The following SBF2 variants were observed in gnomAD, a reference collection of about 807,000 sequenced individuals.
The protein encoded by SBF2 is myotubularin-related protein 13.
SBF2 carries 112 observed loss-of-function variants against 225.2 expected under a neutral mutation model. The observed-to-expected ratio is 0.50, with a 90% CI of 0.43 to 0.58. The LOEUF (loss-of-function observed/expected upper bound fraction) is 0.58, where lower values mean the gene tolerates loss of function less well. SBF2 is among the 20% of genes least tolerant of loss of function. SBF2 has a pLI of 0.00. For synonymous variants in SBF2, 763 were observed against 773.3 expected (o/e 0.99, Z 0.22); for missense variants, 1,996 against 2,206.2 (o/e 0.90, Z 1.91).
chr11:9,821,057 A>G (rs1425820806), intron 28 of SBF2, among the ~76,000 whole-genome samples: 1 of 152,124 alleles, frequency 6.6e-6, no homozygotes, highest in African/African-American at 2.4e-5. Flanking sequence ...CCTCAAAATC[A>G]TTGTTGGAGA....
chr11:10,272,314 G>T, intron 1 of SBF2: 1 of 858,640 alleles, frequency 1.2e-6, no homozygotes, highest in South Asian at 1.8e-5. Flanking sequence ...TTAGGAGAAT[G>T]ACAAGTCGTT....
At chr11:10,065,451 A>C (rs1423192861) in intron 2 of SBF2, among the ~76,000 whole-genome samples, 3 of 152,136 alleles carry the variant, frequency 2.0e-5, no homozygotes, top group Non-Finnish European at 2.9e-5. Flanking sequence ...CAGTAATAAA[A>C]AATCAACTAA....
chr11:9,989,055 T>TATATATATATATAC lies in SBF2; in HGVS notation c.1395+441_1395+442insGTATATATATATAT, dbSNP rs963608316. On this transcript the variant is annotated intron_variant, in intron 13 of 39. Transcript: ENST00000256190. ...ACTGTGCCAAATATATATATATATA[T>TATATATATATATAC]ACATATGCATACATACACATACACA... Among the ~76,000 whole-genome samples, 34 of 142,622 alleles carry TATATATATATATAC rather than the reference T, an allele frequency of 2.4e-4. 3 individuals carry two copies. The highest frequency in any genetic ancestry group is 4.5e-4 in the Non-Finnish European group (28 of 62,624). The allele number at this position is 142,622 out of a possible 152,430, so 93.6% of individuals were successfully genotyped here.
At chr11:9,896,056 A>T (rs1861228097) in intron 16 of SBF2, 45 bp from the exon 17 acceptor site, 4 of 1,431,754 alleles carry the variant, frequency 2.8e-6, no homozygotes, top group Non-Finnish European at 3.9e-6. Flanking sequence ...TATTTACCAG[A>T]AATCACAAAT....
chr11:10,175,198 T>C (rs1377500491), intron 2 of SBF2, among the ~76,000 whole-genome samples: 1 of 151,212 alleles, frequency 6.6e-6, no homozygotes, highest in African/African-American at 2.4e-5. Context: ...AATGCTCCAA[T>C]TAAAAGACAC....
chr11:9,937,567 A>G (rs1386367923), intron 16 of SBF2, among the ~76,000 whole-genome samples: 2 of 152,208 alleles, frequency 1.3e-5, no homozygotes. Flanking sequence ...TAAGACAGTG[A>G]TAATTTTTAT....
intron 25 of SBF2, 76 bp downstream of exon 25, chr11:9,842,549 G>A (rs927351105): frequency 1.0e-5 from 15 of 1,444,792 alleles, no homozygotes; most frequent in Non-Finnish European, 1.5e-5. Flanking sequence ...CAAGATGTAA[G>A]TGCAACTACA....
intron 2 of SBF2, among the ~76,000 whole-genome samples, chr11:10,162,058 G>T (rs752449933): frequency 6.6e-6 from 1 of 152,088 alleles, no homozygotes; most frequent in Non-Finnish European, 1.5e-5. Context: ...TCTTCCTTCT[G>T]TGTAGGACGA....
At chr11:9,987,773 G>T (rs1947261972) in intron 13 of SBF2, among the ~76,000 whole-genome samples, 1 of 151,906 alleles carries the variant, frequency 6.6e-6, no homozygotes, top group Admixed American at 6.6e-5. Flanking sequence ...CACAGACAAT[G>T]CAAACAAATG....
At chr11:10,005,801 TAC>T (rs1948164120) in intron 6 of SBF2, among the ~76,000 whole-genome samples, 1 of 152,288 alleles carries the variant, frequency 6.6e-6, no homozygotes, top group East Asian at 1.9e-4. Context: ...TTAACCCCTG[TAC>T]ACAGTTTCGT....
chr11:10,174,941 C>T (rs1046974581), intron 2 of SBF2, among the ~76,000 whole-genome samples: 13 of 151,422 alleles, frequency 8.6e-5, no homozygotes, highest in Middle Eastern at 6.8e-3. Context: ...AAATAAAATA[C>T]TTTACAGACA....
At chr11:10,178,807 C>T (rs1260839972) in intron 2 of SBF2, among the ~76,000 whole-genome samples, 2 of 148,294 alleles carry the variant, frequency 1.3e-5, no homozygotes, top group Admixed American at 6.8e-5. Flanking sequence ...GGATCTAGAA[C>T]TAGAAATACC....
chr11:10,146,804 A>T (rs1591065152), intron 2 of SBF2, among the ~76,000 whole-genome samples: 1 of 152,160 alleles, frequency 6.6e-6, no homozygotes, highest in East Asian at 1.9e-4. Context: ...ATGGGAGAAA[A>T]TTTTTGCAAG....
At chr11:10,257,160 T>A (rs55650476) in intron 1 of SBF2, among the ~76,000 whole-genome samples, 2 of 152,312 alleles carry the variant, frequency 1.3e-5, no homozygotes, top group Admixed American at 1.3e-4. Flanking sequence ...ATTCAAACTC[T>A]ATCTCTGTGA....
intron 2 of SBF2, among the ~76,000 whole-genome samples, chr11:10,180,316 G>A (rs1268707610): frequency 6.6e-6 from 1 of 151,958 alleles, no homozygotes; most frequent in African/African-American, 2.4e-5. Context: ...TTTCTCCCAC[G>A]TGTTTGAAGA....
At chr11:10,282,212 T>C (rs756542703) in intron 1 of SBF2, among the ~76,000 whole-genome samples, 1 of 152,216 alleles carries the variant, frequency 6.6e-6, no homozygotes, top group Non-Finnish European at 1.5e-5. Context: ...CATGATACCA[T>C]ATCATGCTAT....
intron 2 of SBF2, among the ~76,000 whole-genome samples, chr11:10,046,970 T>C (rs1949889840): frequency 6.6e-6 from 1 of 151,870 alleles, no homozygotes; most frequent in Non-Finnish European, 1.5e-5. Context: ...TCAACCACTT[T>C]TCCTTTATGT....
At chr11:9,895,642 G>T (rs1031906743) in intron 17 of SBF2, among the ~76,000 whole-genome samples, 1 of 152,134 alleles carries the variant, frequency 6.6e-6, no homozygotes, top group Non-Finnish European at 1.5e-5. Flanking sequence ...TACTTTCTGT[G>T]ATGGGGAAAA....
intron 2 of SBF2, among the ~76,000 whole-genome samples, chr11:10,054,811 C>T (rs974479190): frequency 5.3e-5 from 8 of 152,026 alleles, no homozygotes; most frequent in African/African-American, 1.9e-4. Flanking sequence ...AAATGCTCAA[C>T]ATCACTAATC....
Sources: gnomAD v4.1 joint callset for allele counts (sites outside exome capture counted in the v4.1 genomes callset) on GRCh38, gnomAD v4.1.1 for gene constraint, MANE v1.5 for transcripts, NCBI Gene and HGNC (gene_info 2026-07-23, HGNC 2026-07-21) for gene names.